NPSR1: variants seen among roughly 807,000 people sequenced by gnomAD.
NPSR1 encodes neuropeptide S receptor.
NPSR1 carries 48 observed loss-of-function variants against 46.9 expected under a neutral mutation model. That is an observed-to-expected ratio of 1.02 (90% confidence interval 0.81 to 1.30). The LOEUF is 1.30. Ranked by LOEUF, NPSR1 falls within the 50% of genes most tolerant of loss-of-function variation. NPSR1 has a pLI of 0.00. For synonymous variants in NPSR1, 176 were observed against 168.1 expected (o/e 1.05, Z -0.36); for missense variants, 450 against 449.5 (o/e 1.00, Z -0.01).
intron 3 of NPSR1, among the ~76,000 whole-genome samples, chr7:34,807,573 T>C (rs1172403493): frequency 6.6e-6 from 1 of 152,188 alleles, no homozygotes; most frequent in Non-Finnish European, 1.5e-5. Context: ...CTTTAATTTT[T>C]ACTTTCTTGA....
At chr7:34,669,768 G>GC (rs1462513618) in intron 1 of NPSR1, among the ~76,000 whole-genome samples, 3 of 152,102 alleles carry the variant, frequency 2.0e-5, no homozygotes, top group African/African-American at 4.8e-5. Flanking sequence ...AGCAGATGAG[G>GC]CCCAGAGAAG....
At chr7:34,749,959 T>C (rs1024905659) in intron 2 of NPSR1, among the ~76,000 whole-genome samples, 2 of 152,168 alleles carry the variant, frequency 1.3e-5, no homozygotes, top group African/African-American at 4.8e-5. Context: ...AATAATGAGA[T>C]GCAGATGAAC....
At chr7:34,704,693 T>C (rs1208693186) in intron 2 of NPSR1, among the ~76,000 whole-genome samples, 1 of 152,156 alleles carries the variant, frequency 6.6e-6, no homozygotes, top group African/African-American at 2.4e-5. Context: ...GTGGAAAAGC[T>C]TTGCAAGGGG....
At chr7:34,823,250 G>T (rs896134084) in intron 4 of NPSR1, among the ~76,000 whole-genome samples, 2 of 151,720 alleles carry the variant, frequency 1.3e-5, no homozygotes, top group African/African-American at 4.8e-5. Context: ...AAAATTAGCT[G>T]GGCATGGTGG....
chr7:34,659,430 T>TTTGTTG (rs779758835), intron 1 of NPSR1, among the ~76,000 whole-genome samples: 1 of 152,114 alleles, frequency 6.6e-6, no homozygotes, highest in Non-Finnish European at 1.5e-5. Context: ...TTTGTTGGGT[T>TTTGTTG]TTGTTGTTGT....
downstream of NPSR1, among the ~76,000 whole-genome samples, chr7:34,851,254 A>ATTCC (rs1562773215): frequency 1.4e-5 from 2 of 148,106 alleles, no homozygotes; most frequent in Non-Finnish European, 3.0e-5. Flanking sequence ...ATAGCACTCC[A>ATTCC]TTCCTCATTA....
At position 34,793,068 on chromosome 7, in the gene NPSR1, A is replaced by G. The variant is rs148505413; in HGVS notation, c.384+14503A>G. Among the ~76,000 whole-genome samples the G allele has an allele frequency of 1.3e-3, 199 of 151,990 alleles. 2 individuals carry two copies. Among genetic ancestry groups the G allele is most frequent in the Non-Finnish European group, 2.4e-3 (163 of 67,954 alleles). On this transcript the variant is annotated intron_variant, in intron 3 of 8. Coordinates refer to ENST00000360581, the MANE Select transcript of NPSR1 (RefSeq NM_207172.2). ...ATAACCAGGCATATTGGCATGAGTTAGTAGTCCTAGCTACATGGGAGGCTG... is the reference window on the plus strand; with the variant it reads ...ATAACCAGGCATATTGGCATGAGTTGGTAGTCCTAGCTACATGGGAGGCTG...
At chr7:34,740,929 G>A (rs893061004) in intron 2 of NPSR1, among the ~76,000 whole-genome samples, 9 of 152,106 alleles carry the variant, frequency 5.9e-5, no homozygotes, top group East Asian at 3.9e-4. Flanking sequence ...CCTGTCCACC[G>A]TGAGCCTCTG....
chr7:34,695,904 G>A (rs185039082), intron 2 of NPSR1, among the ~76,000 whole-genome samples: 17 of 152,046 alleles, frequency 1.1e-4, no homozygotes, highest in African/African-American at 4.1e-4. Flanking sequence ...AGATTTCTCA[G>A]AAGACTTGAA....
intron 5 of NPSR1, among the ~76,000 whole-genome samples, chr7:34,832,300 T>C (rs1790156898): frequency 1.3e-5 from 2 of 152,166 alleles, no homozygotes; most frequent in Admixed American, 1.3e-4. Flanking sequence ...CTGGGAGGCC[T>C]AGGCAGGTGG....
intron 2 of NPSR1, among the ~76,000 whole-genome samples, chr7:34,739,766 G>A (rs1784851070): frequency 6.6e-6 from 1 of 152,150 alleles, no homozygotes; most frequent in Non-Finnish European, 1.5e-5. Context: ...ACCATCTGTG[G>A]GTCTCTCAGC....
intron 8 of NPSR1, among the ~76,000 whole-genome samples, chr7:34,876,687 ACT>A (rs1288331164): frequency 6.6e-6 from 1 of 151,938 alleles, no homozygotes; most frequent in Admixed American, 6.6e-5. Flanking sequence ...CAAAAGAAAG[ACT>A]CTCTAATCAT....
chr7:34,828,767 G>T (rs1159812888), intron 5 of NPSR1, among the ~76,000 whole-genome samples: 1 of 152,094 alleles, frequency 6.6e-6, no homozygotes, highest in Non-Finnish European at 1.5e-5. Context: ...TAGATCAAAG[G>T]TATAGATCAA....
intron 2 of NPSR1, among the ~76,000 whole-genome samples, chr7:34,737,639 T>A (rs1028233823): frequency 6.6e-6 from 1 of 152,216 alleles, no homozygotes; most frequent in African/African-American, 2.4e-5. Context: ...TTGAAAATAC[T>A]TTTTTACTTG....
intron 2 of NPSR1, among the ~76,000 whole-genome samples, chr7:34,730,179 C>T (rs1464963447): frequency 6.6e-6 from 1 of 152,144 alleles, no homozygotes. Flanking sequence ...TTCAATGTTC[C>T]TGGTAAGGGA....
At chr7:34,819,167 C>T (rs1789419554) in intron 4 of NPSR1, among the ~76,000 whole-genome samples, 1 of 151,960 alleles carries the variant, frequency 6.6e-6, no homozygotes, top group Admixed American at 6.6e-5. Flanking sequence ...TGCAATCTAC[C>T]CATCTGAAAA....
intron 2 of NPSR1, among the ~76,000 whole-genome samples, chr7:34,767,491 A>G (rs181577062): frequency 6.6e-6 from 1 of 151,950 alleles, no homozygotes; most frequent in Admixed American, 6.5e-5. Context: ...ATTTAATTCT[A>G]GGAATCGTAG....
At chr7:34,699,416 T>C (rs1186326125) in intron 2 of NPSR1, among the ~76,000 whole-genome samples, 1 of 152,234 alleles carries the variant, frequency 6.6e-6, no homozygotes, top group Non-Finnish European at 1.5e-5. Context: ...TACTTATGAT[T>C]TTATAGGTGT....
At chr7:34,787,034 T>A (rs1395060057) in intron 3 of NPSR1, among the ~76,000 whole-genome samples, 1 of 152,160 alleles carries the variant, frequency 6.6e-6, no homozygotes, top group Non-Finnish European at 1.5e-5. Flanking sequence ...CCTTTGAAGC[T>A]TTGAAGCCAG....
Sources: allele counts gnomAD v4.1 joint callset (sites outside exome capture counted in the v4.1 genomes callset), GRCh38; gene constraint gnomAD v4.1.1; transcripts MANE v1.5; gene names NCBI Gene and HGNC (gene_info 2026-07-23, HGNC 2026-07-21).